The following INPP5A variants were observed in gnomAD, a reference collection of about 807,000 sequenced individuals.
INPP5A encodes the protein 43 kDa inositol polyphosphate 5-phophatase.
Under a neutral mutation model 65.2 loss-of-function variants are expected in INPP5A, and 14 were observed. That is an observed-to-expected ratio of 0.21 (90% CI 0.14 to 0.34). The LOEUF (loss-of-function observed/expected upper bound fraction) is 0.34. Ranked by LOEUF, INPP5A falls within the 10% of genes least tolerant of loss-of-function variation. The pLI is 1.00. For synonymous variants in INPP5A, 207 were observed against 208.3 expected, an observed-to-expected ratio of 0.99 and a Z score of 0.05; for missense variants, 431 against 545.6, an observed-to-expected ratio of 0.79 and a Z score of 2.09.
chr10:132,560,355 G>A (rs2071187498), intron 1 of INPP5A, among the ~76,000 whole-genome samples: 1 of 152,172 alleles, frequency 6.6e-6, no homozygotes, highest in Admixed American at 6.5e-5. Context: ...TCTTTCCACA[G>A]CAGCTGCAGC....
intron 13 of INPP5A, among the ~76,000 whole-genome samples, chr10:132,780,217 C>A (rs1013204092): frequency 6.6e-6 from 1 of 152,238 alleles, no homozygotes; most frequent in Non-Finnish European, 1.5e-5. Flanking sequence ...CCAGCCCAAC[C>A]AGAGCCGAGT....
At chr10:132,703,814 CCA>C (rs1213371717) in intron 6 of INPP5A, among the ~76,000 whole-genome samples, 1 of 89,776 alleles carries the variant, frequency 1.1e-5, no homozygotes, top group Non-Finnish European at 2.2e-5. Context: ...GGCTTCACTC[CCA>C]CACACACACG....
rs180954730 is a variant in INPP5A, at chr10:132,603,633, G to T, written c.76-4282G>T. ...TAAACTTGAAGAATGTAGCGTTTAA[G>T]AATACATTTTAATTTTAGAGCACGT... is the stretch of plus-strand genomic sequence containing the variant. On this transcript the variant is annotated intron_variant, in intron 1 of 15. Coordinates refer to ENST00000368594, the MANE Select transcript of INPP5A (RefSeq NM_005539.5). The surrounding 1 kb of genome is among the most constrained non-coding windows in gnomAD (Gnocchi z 4.2). Among the ~76,000 whole-genome samples the T allele has an allele frequency of 1.4e-4, 21 of 152,318 alleles. No individual in the cohort carries two copies. The highest frequency in any genetic ancestry group is 4.1e-4 in the South Asian group (2 of 4,832).
rs201882680 is a variant in INPP5A at position 132,781,879 on chromosome 10, C to T, written c.1177C>T (p.Arg393Ter). The change falls in exon 15 of 16, where the codon CGA becomes TGA. Residue 393 changes from arginine (R) to a stop codon, truncating the protein, a stop_gained. Transcript: ENST00000368594. LOFTEE classifies it high-confidence loss of function. ...GCTGCAGCCCGTGTTCCTGGCCTTC[C>T]GAATCATGCCCGGGGCAGGTAAACC... ...GDHKPVFLAF[R>*]IMPGAGKPHA... 6.2e-7 allele frequency: 1 copy of T among 1,613,816 alleles called. No individual in the cohort carries two copies. The highest frequency in any genetic ancestry group is 8.5e-7 in the Non-Finnish European group (1 of 1,179,976).
rs2134502118 is a variant in INPP5A at position 132,698,758 on chromosome 10, C to G, written c.474+839C>G. Among the ~76,000 whole-genome samples, 1 of 152,350 alleles carries G rather than the reference C, an allele frequency of 6.6e-6. No individual in the cohort carries two copies. Among genetic ancestry groups the G allele is most frequent in the South Asian group, 2.1e-4 (1 of 4,828 alleles). On this transcript the variant is annotated intron_variant, in intron 6 of 15. Transcript: ENST00000368594. The surrounding 1 kb of genome is among the most constrained non-coding windows in gnomAD (Gnocchi z 5.5). ...GCGTCCAGGCTGTGATATAGGAGCT[C>G]TCGTCCGGACTTGTCTGCGCAGGCA... is the stretch of plus-strand genomic sequence containing the variant.
intron 4 of INPP5A, among the ~76,000 whole-genome samples, chr10:132,684,435 G>C (rs1166417991): frequency 6.6e-6 from 1 of 151,884 alleles, no homozygotes; most frequent in Non-Finnish European, 1.5e-5. Flanking sequence ...TTTGTCTATA[G>C]TGTATATGGA....
intron 4 of INPP5A, among the ~76,000 whole-genome samples, chr10:132,689,015 G>T (rs1397578349): frequency 6.6e-6 from 1 of 151,766 alleles, no homozygotes; most frequent in African/African-American, 2.4e-5. Flanking sequence ...GAGTGCTTGT[G>T]CGTGAGTGCA....
chr10:132,557,828 C>A (rs1590827119), intron 1 of INPP5A, among the ~76,000 whole-genome samples: 1 of 152,258 alleles, frequency 6.6e-6, no homozygotes, highest in East Asian at 1.9e-4. Context: ...AAGTGTGCAT[C>A]TTACCCTGGG....
chr10:132,613,720 ACT>A (rs1411531930), intron 2 of INPP5A, among the ~76,000 whole-genome samples: 1 of 152,158 alleles, frequency 6.6e-6, no homozygotes, highest in East Asian at 1.9e-4. Context: ...CAGCGGCTGC[ACT>A]GAGGGGCCTC....
intron 9 of INPP5A, among the ~76,000 whole-genome samples, chr10:132,743,195 C>A (rs1214935636): frequency 7.4e-6 from 1 of 135,520 alleles, no homozygotes; most frequent in African/African-American, 2.7e-5. Context: ...GCCCACCCAC[C>A]AGCGCTGCAC....
At chr10:132,631,268 GCTGT>G (rs1484354040) in intron 2 of INPP5A, among the ~76,000 whole-genome samples, 1 of 152,176 alleles carries the variant, frequency 6.6e-6, no homozygotes, top group Admixed American at 6.5e-5. Flanking sequence ...CCTTGAGGAG[GCTGT>G]CTGACCAGGG....
chr10:132,604,753 G>T (rs1364504877), intron 1 of INPP5A, among the ~76,000 whole-genome samples: 1 of 152,200 alleles, frequency 6.6e-6, no homozygotes, highest in East Asian at 1.9e-4. Flanking sequence ...CTATTGGTCT[G>T]GGGAAGCTCA....
At chr10:132,658,959 G>A (rs1351075723) in intron 4 of INPP5A, among the ~76,000 whole-genome samples, 1 of 152,158 alleles carries the variant, frequency 6.6e-6, no homozygotes. Flanking sequence ...TTCCTCGTGG[G>A]TGCTCAACAG....
At chr10:132,624,853 C>A (rs1245068099) in intron 2 of INPP5A, among the ~76,000 whole-genome samples, 1 of 151,834 alleles carries the variant, frequency 6.6e-6, no homozygotes, top group Admixed American at 6.6e-5. Context: ...ACCCTCCTGG[C>A]TGACACAGCT....
At chr10:132,758,166 C>CA (rs1565003876) in intron 11 of INPP5A, among the ~76,000 whole-genome samples, 20 of 92,492 alleles carry the variant, frequency 2.2e-4, no homozygotes, top group Admixed American at 3.3e-4. Flanking sequence ...GCTGACCCCA[C>CA]ACCCATAGCC....
chr10:132,582,758 A>G (rs754977460), intron 1 of INPP5A, among the ~76,000 whole-genome samples: 5 of 152,194 alleles, frequency 3.3e-5, no homozygotes, highest in African/African-American at 4.8e-5. Flanking sequence ...AAATCCAGGT[A>G]TAAGTGTGCT....
chr10:132,582,670 A>G (rs1377238718), intron 1 of INPP5A, among the ~76,000 whole-genome samples: 1 of 152,204 alleles, frequency 6.6e-6, no homozygotes, highest in Non-Finnish European at 1.5e-5. Context: ...GCCCTCCTGC[A>G]TCGAACTCCC....
At chr10:132,717,805 G>C (rs1845769471) in intron 8 of INPP5A, among the ~76,000 whole-genome samples, 2 of 146,750 alleles carry the variant, frequency 1.4e-5, no homozygotes, top group African/African-American at 5.3e-5. Flanking sequence ...AGGGTTCTGT[G>C]GTACCTGGGT....
intron 4 of INPP5A, among the ~76,000 whole-genome samples, chr10:132,688,909 AGT>A (rs1845203120): frequency 1.3e-5 from 2 of 151,050 alleles, no homozygotes; most frequent in South Asian, 2.1e-4. Context: ...CAAGCACGTG[AGT>A]GTGCATGAGT....
Sources: gnomAD v4.1 joint callset for allele counts (sites outside exome capture counted in the v4.1 genomes callset) on GRCh38, gnomAD v4.1.1 for gene constraint, Gnocchi (gnomAD v3.1) non-coding constraint, MANE v1.5 for transcripts, NCBI Gene and HGNC (gene_info 2026-07-23, HGNC 2026-07-21) for gene names.